The following SGCD variants were observed in gnomAD, a reference collection of about 807,000 sequenced individuals.
SGCD encodes sarcoglycan delta.
SGCD carries 18 observed loss-of-function variants against 36.6 expected under a neutral mutation model. That is an observed-to-expected ratio of 0.49 (90% CI 0.34 to 0.73). The LOEUF (loss-of-function observed/expected upper bound fraction) is 0.73. Among genes scored for constraint, SGCD ranks in the 30% least tolerant of loss-of-function variants. SGCD has a pLI of 0.01. For synonymous variants in SGCD, 133 were observed against 130.6 expected, an observed-to-expected ratio of 1.02 and a Z score of -0.12; for missense variants, 387 against 346.7, an observed-to-expected ratio of 1.12 and a Z score of -0.92.
intron 6 of SGCD, among the ~76,000 whole-genome samples, chr5:156,622,339 A>G (rs1448913768): frequency 6.6e-6 from 1 of 151,688 alleles, no homozygotes; most frequent in African/African-American, 2.4e-5. Context: ...AGCCTGAGGC[A>G]GGAGAATCAC....
intron 3 of SGCD, among the ~76,000 whole-genome samples, chr5:156,362,625 A>T (rs935154163): frequency 1.3e-5 from 2 of 152,216 alleles, no homozygotes; most frequent in Non-Finnish European, 2.9e-5. Context: ...CATCCTGGTG[A>T]CAGAGAGAGA....
At chr5:155,828,715 C>T in the SGCD span, among the ~76,000 whole-genome samples, 1 of 151,320 alleles carries the variant, frequency 6.6e-6, no homozygotes, top group African/African-American at 2.4e-5. Flanking sequence ...GAGACAGAGT[C>T]TTGCTCTGTT....
intron 3 of SGCD, among the ~76,000 whole-genome samples, chr5:156,425,803 A>G (rs902724919): frequency 6.6e-6 from 1 of 152,080 alleles, no homozygotes; most frequent in African/African-American, 2.4e-5. Context: ...TAGTGAGAAC[A>G]TAGGATATTT....
chr5:156,342,330 T>C (rs955398363), intron 2 of SGCD, among the ~76,000 whole-genome samples: 6 of 152,242 alleles, frequency 3.9e-5, no homozygotes, highest in Admixed American at 2.6e-4. Flanking sequence ...ATCTTGCCTA[T>C]GACAATTCCA....
the SGCD span, among the ~76,000 whole-genome samples, chr5:155,831,536 T>C: frequency 1.3e-5 from 2 of 152,360 alleles, no homozygotes; most frequent in Admixed American, 1.3e-4. Context: ...TACCTGGACT[T>C]TTGTATGCAA....
At chr5:156,143,990 TG>T (rs1325226988) in intron 3 of SGCD, among the ~76,000 whole-genome samples, 1 of 150,830 alleles carries the variant, frequency 6.6e-6, no homozygotes, top group East Asian at 2.0e-4. Flanking sequence ...ATGTGGTGTT[TG>T]TTTTTTTTTC....
At chr5:156,656,097 C>T (rs1265296031) in intron 7 of SGCD, among the ~76,000 whole-genome samples, 1 of 152,070 alleles carries the variant, frequency 6.6e-6, no homozygotes, top group African/African-American at 2.4e-5. Context: ...ATATAGACTA[C>T]CCAAAGCTTG....
At chr5:156,749,167 T>G (rs191723280) in intron 7 of SGCD, among the ~76,000 whole-genome samples, 103 of 152,238 alleles carry the variant, frequency 6.8e-4, no homozygotes, top group Non-Finnish European at 1.3e-3. Flanking sequence ...ATACTAGAAA[T>G]CTATACTAAT....
chr5:156,631,604 T>C (rs1287140558), intron 6 of SGCD, among the ~76,000 whole-genome samples: 3 of 151,728 alleles, frequency 2.0e-5, no homozygotes, highest in Non-Finnish European at 2.9e-5. Flanking sequence ...GCTCACAAAA[T>C]GTGCTTGCCT....
Position 156,114,811 on chromosome 5 carries a change from C to T in SGCD, c.-281-3067C>T, listed in dbSNP as rs554747776. On this transcript the variant is annotated intron_variant, in intron 1 of 9. Coordinates refer to the SGCD transcript ENST00000517913. The stretch of plus-strand genomic sequence containing the variant: ...ATATATTGATTAATGTTCTTACAGG[C>T]CTTGCCATAGGACAGATTCCTGGAA... Among the ~76,000 whole-genome samples the T allele has an allele frequency of 5.9e-5, 9 of 152,164 alleles. No individual in the cohort carries two copies. In the East Asian group the frequency reaches 1.7e-3, roughly 29 times the overall value.
rs562456532 is a variant in SGCD, at chr5:156,443,416, G to A, written c.193-65185G>A. Among the ~76,000 whole-genome samples the A allele has an allele frequency of 1.7e-4, 26 of 152,286 alleles. 1 individual carries two copies. In the South Asian group the frequency reaches 5.2e-3, roughly 30 times the overall value. On this transcript the variant is annotated intron_variant, in intron 3 of 8. Transcript: ENST00000337851. ...AGTTTTGCCAACATGAATAGCAACA[G>A]CATCATGTGATTCTGCAGCGTTTCC...
At chr5:155,791,086 G>A in the SGCD span, among the ~76,000 whole-genome samples, 1 of 152,132 alleles carries the variant, frequency 6.6e-6, no homozygotes, top group East Asian at 1.9e-4. Context: ...AAGAGGCTTT[G>A]AAATCATGAT....
At chr5:156,027,306 G>T (rs73302955) in intron 1 of SGCD, among the ~76,000 whole-genome samples, 1 of 152,068 alleles carries the variant, frequency 6.6e-6, no homozygotes, top group Non-Finnish European at 1.5e-5. Context: ...AGGGAGATAC[G>T]TTACGACATC....
At chr5:156,494,710 G>A (rs892287403) in intron 3 of SGCD, among the ~76,000 whole-genome samples, 2 of 152,086 alleles carry the variant, frequency 1.3e-5, no homozygotes, top group Admixed American at 6.6e-5. Flanking sequence ...TCTTCAAGAT[G>A]CTCTATTGAT....
intron 4 of SGCD, among the ~76,000 whole-genome samples, chr5:156,536,331 T>C (rs982369477): frequency 5.9e-5 from 9 of 152,146 alleles, no homozygotes; most frequent in African/African-American, 1.9e-4. Context: ...AGGTGTGAAC[T>C]ACCCCACAGC....
intron 7 of SGCD, among the ~76,000 whole-genome samples, chr5:156,671,593 A>G (rs1753296545): frequency 6.6e-6 from 1 of 152,152 alleles, no homozygotes; most frequent in African/African-American, 2.4e-5. Context: ...TTTAAGAATG[A>G]AGCAGTAAGA....
chr5:156,114,304 C>G (rs1561524981), intron 1 of SGCD, among the ~76,000 whole-genome samples: 1 of 151,988 alleles, frequency 6.6e-6, no homozygotes, highest in African/African-American at 2.4e-5. Context: ...TGCTGCGAAC[C>G]TAAAACTGCT....
intron 7 of SGCD, among the ~76,000 whole-genome samples, chr5:156,682,752 A>G (rs1370386159): frequency 6.6e-6 from 1 of 152,016 alleles, no homozygotes; most frequent in African/African-American, 2.4e-5. Flanking sequence ...TTGTGGTATT[A>G]GGGGTCAAGG....
chr5:156,319,411 A>G (rs1387693881), intron 3 of SGCD, among the ~76,000 whole-genome samples: 1 of 152,234 alleles, frequency 6.6e-6, no homozygotes, highest in Non-Finnish European at 1.5e-5. Context: ...ACTTGGAATA[A>G]CATTCTGTTT....
Sources: allele counts gnomAD v4.1 joint callset (sites outside exome capture counted in the v4.1 genomes callset), GRCh38; gene constraint gnomAD v4.1.1; transcripts MANE v1.5; gene names NCBI Gene and HGNC (gene_info 2026-07-23, HGNC 2026-07-21).